Variants in IGF2BP3 observed in about 807,000 individuals in gnomAD.
IGF2BP3 encodes the protein insulin like growth factor 2 mRNA binding protein 3, also known as insulin-like growth factor 2 mRNA-binding protein 3.
Under a neutral mutation model 73.8 loss-of-function variants are expected in IGF2BP3, and 9 were observed. That is an observed-to-expected ratio of 0.12 (90% CI 0.07 to 0.21). IGF2BP3 has a LOEUF of 0.21. Among genes scored for constraint, IGF2BP3 ranks in the 10% least tolerant of loss-of-function variants. The pLI is 1.00. For missense variants in IGF2BP3, 542 were observed against 714.0 expected, an observed-to-expected ratio of 0.76 and a Z score of 2.75; for synonymous variants, 258 against 256.7, an observed-to-expected ratio of 1.01 and a Z score of -0.05.
intron 2 of IGF2BP3, among the ~76,000 whole-genome samples, chr7:23,439,482 A>C (rs1176151324): frequency 7.7e-6 from 1 of 130,016 alleles, no homozygotes; most frequent in Non-Finnish European, 1.6e-5. Context: ...TGGCGTGAGT[A>C]GGGGGCGGAG....
At chr7:23,463,056 T>C (rs968025601) in intron 2 of IGF2BP3, among the ~76,000 whole-genome samples, 1 of 152,224 alleles carries the variant, frequency 6.6e-6, no homozygotes, top group African/African-American at 2.4e-5. Context: ...CTCTGGAAGC[T>C]TGAATCAGAG....
rs551493607 is a variant in IGF2BP3, at chr7:23,311,123, TTTTAA to T, written c.*1234_*1238del. ...CTTAAGGTGGAGTCTAATTTTTTTT[TTTTAA>T]TTTATCAGTGCTTAAAAATCTTCAA... On this transcript the variant is annotated 3_prime_UTR_variant, in exon 15 of 15. Coordinates refer to ENST00000258729, the MANE Select transcript of IGF2BP3 (RefSeq NM_006547.3). 8.3e-4 allele frequency: 127 copies of T among 152,298 alleles called. No individual in the cohort carries two copies. The highest frequency in any genetic ancestry group is 2.7e-3 in the African/African-American group (114 of 41,564). The allele number at this position is 152,298 out of a possible 1,614,324, so 9.4% of individuals were successfully genotyped here.
At chr7:23,360,351 T>C (rs907882231) in intron 5 of IGF2BP3, among the ~76,000 whole-genome samples, 3 of 152,228 alleles carry the variant, frequency 2.0e-5, no homozygotes, top group Admixed American at 1.3e-4. Context: ...AATCAAATAC[T>C]ATGTAACTAT....
intron 2 of IGF2BP3, among the ~76,000 whole-genome samples, chr7:23,429,490 G>A (rs537350258): frequency 1.3e-5 from 2 of 152,150 alleles, no homozygotes; most frequent in East Asian, 3.9e-4. Flanking sequence ...TACTCTAGTC[G>A]GTCTTACTGA....
rs76878953 is a variant in IGF2BP3 at position 23,332,911 on chromosome 7, T to C, written c.1203+9153A>G. Among the ~76,000 whole-genome samples, 1,210 of 152,348 alleles carry C rather than the reference T, an allele frequency of 7.9e-3. 18 individuals are homozygous for C. The highest frequency in any genetic ancestry group is 0.028 in the African/African-American group (1,148 of 41,580). ...TCTAAATATTTTATCTCACTAAGAA[T>C]GTCCGTATTATGTTCTTCTGAACAA... On this transcript the variant is annotated intron_variant, in intron 10 of 14. Coordinates refer to ENST00000258729, the MANE Select transcript of IGF2BP3 (RefSeq NM_006547.3).
intron 10 of IGF2BP3, among the ~76,000 whole-genome samples, chr7:23,320,334 T>G (rs1008168338): frequency 2.0e-5 from 3 of 152,180 alleles, no homozygotes; most frequent in African/African-American, 7.2e-5. Context: ...TTCAAGCCAG[T>G]TGTGCCCTTC....
At chr7:23,447,855 C>G (rs1788102272) in intron 2 of IGF2BP3, among the ~76,000 whole-genome samples, 1 of 152,038 alleles carries the variant, frequency 6.6e-6, no homozygotes, top group Non-Finnish European at 1.5e-5. Context: ...ATGGTGTGTG[C>G]CTGTAGTTTT....
rs879708472 is a variant in IGF2BP3, at chr7:23,460,949, CAAAT to C, written c.236+7529_236+7532del. ...CTGTCAACAGAGCAAGATTCTATCT[CAAAT>C]AAATAAATAAATAAAAAACTAAGAA... is the stretch of plus-strand genomic sequence containing the variant. On this transcript the variant is annotated intron_variant, in intron 2 of 14. Transcript: ENST00000258729. Among the ~76,000 whole-genome samples, 29 of 152,112 alleles carry C rather than the reference CAAAT, an allele frequency of 1.9e-4. 1 individual carries two copies. Among genetic ancestry groups the C allele is most frequent in the South Asian group, 4.2e-4 (2 of 4,818 alleles).
chr7:23,312,860 A>C lies in IGF2BP3; in HGVS notation c.1528-12T>G, dbSNP rs1172363407. 6.4e-7 allele frequency: 1 copy of C among 1,566,678 alleles called. No homozygotes were observed. Among genetic ancestry groups the C allele is most frequent in the Admixed American group, 1.8e-5 (1 of 56,398 alleles). On this transcript the variant is annotated splice_polypyrimidine_tract_variant and intron_variant, in intron 13 of 14. Coordinates refer to ENST00000258729, the MANE Select transcript of IGF2BP3 (RefSeq NM_006547.3). ...TGAAGTTCATTCACCTGAAAGAGAT[A>C]AATATAAATCACATTAAGTGGCAGT...
chr7:23,441,574 TAAAAAAAAAAAA>T (rs769391858), intron 2 of IGF2BP3, among the ~76,000 whole-genome samples: 18,168 of 56,904 alleles, frequency 0.32, 1,869 homozygotes, highest in Middle Eastern at 0.43. Flanking sequence ...CTCCATCTCT[TAAAAAAAAAAAA>T]AAAAAAAAAA....
At chr7:23,408,444 C>G (rs1786915666) in intron 3 of IGF2BP3, among the ~76,000 whole-genome samples, 1 of 151,856 alleles carries the variant, frequency 6.6e-6, no homozygotes. Flanking sequence ...AAGTGGAAGT[C>G]CAAACTTAAA....
chr7:23,312,505 C>G (rs1783860321), intron 14 of IGF2BP3, 45 bp from the exon 15 acceptor site: 1 of 1,363,900 alleles, frequency 7.3e-7, no homozygotes, highest in South Asian at 1.2e-5. Flanking sequence ...TCAAAAGCTA[C>G]TAAAAGTTAT....
intron 10 of IGF2BP3, among the ~76,000 whole-genome samples, chr7:23,327,156 G>C (rs537970330): frequency 1.3e-5 from 2 of 151,966 alleles, no homozygotes; most frequent in East Asian, 3.9e-4. Context: ...ACTTTCATGG[G>C]ATTCTCTTGA....
intron 3 of IGF2BP3, among the ~76,000 whole-genome samples, chr7:23,371,688 T>C (rs1785552720): frequency 6.6e-6 from 1 of 152,178 alleles, no homozygotes; most frequent in African/African-American, 2.4e-5. Context: ...ATCCCCTTTA[T>C]CATCGAAAAG....
intron 2 of IGF2BP3, among the ~76,000 whole-genome samples, chr7:23,459,001 C>T (rs1473531258): frequency 6.6e-6 from 1 of 152,170 alleles, no homozygotes; most frequent in Admixed American, 6.5e-5. Flanking sequence ...ATCTGGAGGG[C>T]CTTAGGCAGG....
intron 3 of IGF2BP3, among the ~76,000 whole-genome samples, chr7:23,381,316 A>G (rs1033170619): frequency 3.9e-5 from 6 of 152,206 alleles, no homozygotes; most frequent in African/African-American, 1.4e-4. Context: ...GGGACAGGAA[A>G]TACGAGAAGA....
intron 3 of IGF2BP3, among the ~76,000 whole-genome samples, chr7:23,376,662 T>C: frequency 6.6e-6 from 1 of 151,824 alleles, no homozygotes; most frequent in East Asian, 1.9e-4. Context: ...AGTCCAGCAA[T>C]TCAAGACCAT....
rs111855242 is a variant in IGF2BP3 at position 23,386,544 on chromosome 7, A to T, written c.286-24803T>A. Among the ~76,000 whole-genome samples, 692 of 152,368 alleles carry T rather than the reference A, an allele frequency of 4.5e-3. 11 individuals carry two copies. Among genetic ancestry groups the T allele is most frequent in the African/African-American group, 0.016 (648 of 41,576 alleles). On this transcript the variant is annotated intron_variant, in intron 3 of 14. Transcript: ENST00000258729. ...ACAGCAAAATAGTTAAAGTAGTATT[A>T]GACTATAGCTCAGAGTACAAAATAA...
chr7:23,315,235 G>C (rs1204414718), intron 12 of IGF2BP3, among the ~76,000 whole-genome samples: 1 of 151,578 alleles, frequency 6.6e-6, no homozygotes. Context: ...AGCCTCCTAA[G>C]TAGCTGGGAT....
Sources: allele counts gnomAD v4.1 joint callset (sites outside exome capture counted in the v4.1 genomes callset), GRCh38; gene constraint gnomAD v4.1.1; transcripts MANE v1.5; gene names NCBI Gene and HGNC (gene_info 2026-07-23, HGNC 2026-07-21).